The following BHMT2 variants were observed in gnomAD, a reference collection of about 807,000 sequenced individuals.
BHMT2 encodes the protein betaine--homocysteine S-methyltransferase 2.
BHMT2 carries 28 observed loss-of-function variants against 39.0 expected under a neutral mutation model. The ratio of observed to expected loss-of-function variants is 0.72; its 90% CI spans 0.53 to 0.98. BHMT2 has a LOEUF of 0.98. Ranked by LOEUF, BHMT2 falls within the 50% of genes least tolerant of loss-of-function variation. BHMT2 has a pLI of 0.00. For synonymous variants in BHMT2, 145 were observed against 160.6 expected, an observed-to-expected ratio of 0.90 and a Z score of 0.74; for missense variants, 410 against 455.6, an observed-to-expected ratio of 0.90 and a Z score of 0.91.
At chr5:79,084,371 G>T (rs1480769731) in intron 7 of BHMT2, among the ~76,000 whole-genome samples, 1 of 152,046 alleles carries the variant, frequency 6.6e-6, no homozygotes, top group African/African-American at 2.4e-5. Flanking sequence ...CTGCCCCCCA[G>T]GTTCAAGTAA....
intron 3 of BHMT2, among the ~76,000 whole-genome samples, 159 bp downstream of exon 3, chr5:79,079,619 G>A (rs1467820559): frequency 1.3e-5 from 2 of 152,110 alleles, no homozygotes. Context: ...AAATAGGTCG[G>A]GCACAGTGGC....
Position 79,069,812 on chromosome 5 carries a change from G to A in BHMT2, c.30G>A (p.Lys10=), listed in dbSNP as rs1388052694. 2.1e-6 allele frequency: 3 copies of A among 1,434,206 alleles called. No individual in the cohort carries two copies. The highest frequency in any genetic ancestry group is 3.0e-5 in the South Asian group (2 of 67,210). 88.8% of individuals were successfully genotyped at this position (1,434,206 alleles called of 1,614,324 possible). A position where few individuals can be genotyped will look rare whatever the true frequency, so the allele number is the denominator to read the frequency against. ...CACCTGCTGGACGCCCGGGGGCCAA[G>A]AAGGTGAGTTTCGTCCCCTCGATCC... MAPAGRPGA[K]KGILERLESG... Residue 10 remains lysine (K), a synonymous_variant, in exon 1 of 8, where the codon AAG becomes AAA. Transcript: ENST00000255192.
chr5:79,088,497 C>G lies in BHMT2; in HGVS notation c.1015C>G (p.Arg339Gly). 1.2e-6 allele frequency: 2 copies of G among 1,613,428 alleles called. No homozygotes were observed. The highest frequency in any genetic ancestry group is 1.1e-5 in the South Asian group (1 of 91,014). ...TATGTATATATTGAAACACAGGGCT[C>G]GAAGGGAGTATTGGGAGAATCTGCT... is the stretch of plus-strand genomic sequence containing the variant. The part of the protein sequence containing the change: ...HTKPWIRARA[R>G]REYWENLLPA... Residue 339 changes from arginine to glycine, a missense_variant, in exon 8 of 8, where the codon CGA becomes GGA. By Grantham distance (125) the Arg-to-Gly change is moderately radical. Transcript: ENST00000255192.
intron 4 of BHMT2, among the ~76,000 whole-genome samples, chr5:79,081,910 C>T (rs1755795545): frequency 6.6e-6 from 1 of 152,046 alleles, no homozygotes; most frequent in African/African-American, 2.4e-5. Flanking sequence ...CCCTAGTGAC[C>T]CCACTGAACT....
intron 7 of BHMT2, among the ~76,000 whole-genome samples, chr5:79,086,910 G>C (rs772402439): frequency 6.6e-6 from 1 of 150,792 alleles, no homozygotes; most frequent in African/African-American, 2.4e-5. Flanking sequence ...GAAAATTACT[G>C]TTCTGTTATG....
At chr5:79,087,012 GTGTATA>G (rs1281876221) in intron 7 of BHMT2, among the ~76,000 whole-genome samples, 1 of 108,146 alleles carries the variant, frequency 9.2e-6, no homozygotes, top group Non-Finnish European at 1.8e-5. Context: ...GTGTGTGTGT[GTGTATA>G]TATATATATA....
chr5:79,080,610 T>C, intron 3 of BHMT2, 77 bp from the exon 4 acceptor site: 1 of 1,340,360 alleles, frequency 7.5e-7, no homozygotes, highest in Non-Finnish European at 1.0e-6. Context: ...ACTTGTTTAT[T>C]GTCCCTTTAG....
intron 7 of BHMT2, among the ~76,000 whole-genome samples, chr5:79,086,996 G>A (rs1237906535): frequency 6.5e-5 from 7 of 107,506 alleles, no homozygotes; most frequent in African/African-American, 2.5e-4. Flanking sequence ...TTTTGTGTAT[G>A]TATGTGTGTG....
At chr5:79,084,883 A>G (rs948435921) in intron 7 of BHMT2, among the ~76,000 whole-genome samples, 4 of 151,682 alleles carry the variant, frequency 2.6e-5, no homozygotes, top group Non-Finnish European at 5.9e-5. Context: ...CTTCTGTTGG[A>G]TATCTTTTTA....
intron 7 of BHMT2, among the ~76,000 whole-genome samples, chr5:79,085,675 C>G (rs571224091): frequency 6.6e-6 from 1 of 152,134 alleles, no homozygotes; most frequent in South Asian, 2.1e-4. Context: ...GAGCGAAACT[C>G]CATTTCAAAA....
At chr5:79,075,851 A>G (rs1433491167) in intron 1 of BHMT2, among the ~76,000 whole-genome samples, 6 of 152,178 alleles carry the variant, frequency 3.9e-5, no homozygotes, top group African/African-American at 1.4e-4. Context: ...CCCACAGCTT[A>G]AACCCCTAGG....
In BHMT2 at chr5:79,083,275, TGGGCAGG is replaced by T; in HGVS notation, c.684_690del (p.Trp228CysfsTer2). Reference sequence around the variant, plus strand: ...GGAGCTCATGAAGGAGGGTCTTGAGTGGGCAGGGCTGAAAGCGCACCTCATGGTGCAG... The same window carrying T: ...GGAGCTCATGAAGGAGGGTCTTGAGTGCTGAAAGCGCACCTCATGGTGCAG... On this transcript the variant is annotated frameshift_variant, in exon 6 of 8. Coordinates refer to ENST00000255192, the MANE Select transcript of BHMT2 (RefSeq NM_017614.5). LOFTEE classifies it high-confidence loss of function. 6.2e-7 allele frequency: 1 copy of T among 1,614,008 alleles called. No individual in the cohort carries two copies. Among genetic ancestry groups the T allele is most frequent in the Non-Finnish European group, 8.5e-7 (1 of 1,179,982 alleles).
rs1755959145 is a variant in BHMT2 at position 79,088,789 on chromosome 5, CAA to C, written c.*217_*218del. 1 of 429,260 alleles carries C rather than the reference CAA, an allele frequency of 2.3e-6. No individual in the cohort carries two copies. The highest frequency in any genetic ancestry group is 2.0e-5 in the African/African-American group (1 of 49,190). The allele number at this position is 429,260 out of a possible 1,614,324, so 26.6% of individuals were successfully genotyped here. A position where few individuals can be genotyped will look rare whatever the true frequency, so the allele number is the denominator to read the frequency against. On this transcript the variant is annotated 3_prime_UTR_variant, in exon 8 of 8. Transcript: ENST00000255192. ...ACTGCAACAGACTCTACCAGAGATG[CAA>C]AGAGAAGCGAGAGAGGCACCTTGTT...
Position 79,083,876 on chromosome 5 carries a change from C to G in BHMT2, c.1010+20C>G. On this transcript the variant is annotated intron_variant, in intron 7 of 7. Transcript: ENST00000255192. ...AGCAAGGTAAGCATTTTTAAATTAA[C>G]ATTCTTATTATTTTCCTTTAATCTC... 1 of 1,591,504 alleles carries G rather than the reference C, an allele frequency of 6.3e-7. No homozygotes were observed. The highest frequency in any genetic ancestry group is 8.6e-7 in the Non-Finnish European group (1 of 1,168,092).
chr5:79,075,085 C>T (rs922803300), intron 1 of BHMT2, among the ~76,000 whole-genome samples: 1 of 152,142 alleles, frequency 6.6e-6, no homozygotes, highest in Non-Finnish European at 1.5e-5. Flanking sequence ...AACTCTGCTA[C>T]TGTAGTGGAA....
At chr5:79,070,163 G>C (rs1321593262) in intron 1 of BHMT2, among the ~76,000 whole-genome samples, 1 of 152,208 alleles carries the variant, frequency 6.6e-6, no homozygotes, top group African/African-American at 2.4e-5. Flanking sequence ...GCTTTCGGAC[G>C]CATGTCGCGC....
At chr5:79,088,457 TTTTAA>T (rs933851959) in intron 7 of BHMT2, 31 bp from the exon 8 acceptor site, 2 of 1,564,366 alleles carry the variant, frequency 1.3e-6, no homozygotes, top group Non-Finnish European at 1.7e-6. Context: ...TAGGTAAGAC[TTTTAA>T]TTAATTAATT....
chr5:79,087,460 C>A (rs1405678598), intron 7 of BHMT2, among the ~76,000 whole-genome samples: 1 of 152,062 alleles, frequency 6.6e-6, no homozygotes, highest in Non-Finnish European at 1.5e-5. Context: ...AATTCATTAG[C>A]TATTAGAATT....
Position 79,079,452 on chromosome 5 carries a change from G to A in BHMT2, c.250G>A (p.Glu84Lys). ...CTTTTCTGCCAGTGAGGACAATATG[G>A]AAAGCAAGGTAAACGGCAATGGCTG... ...FTFSASEDNM[E>K]SKWEDVNAAA... The change falls in exon 3 of 8, where the codon GAA (glutamate) becomes AAA (lysine). Residue 84 changes from glutamate (E) to lysine (K), a missense_variant. By Grantham distance (56) the Glu-to-Lys change is moderately conservative. Transcript: ENST00000255192. The A allele has an allele frequency of 6.2e-7, 1 of 1,612,360 alleles. No individual in the cohort carries two copies. Among genetic ancestry groups the A allele is most frequent in the Non-Finnish European group, 8.5e-7 (1 of 1,178,540 alleles).
Sources: allele counts gnomAD v4.1 joint callset (sites outside exome capture counted in the v4.1 genomes callset), GRCh38; gene constraint gnomAD v4.1.1; transcripts MANE v1.5; gene names NCBI Gene and HGNC (gene_info 2026-07-23, HGNC 2026-07-21).